Variants in HSD17B2 observed in about 807,000 individuals in gnomAD.
HSD17B2 encodes hydroxysteroid 17-beta dehydrogenase 2, also known as 17-beta-hydroxysteroid dehydrogenase type 2.
Under a neutral mutation model 26.9 loss-of-function variants are expected in HSD17B2, and 32 were observed. That is an observed-to-expected ratio of 1.19 (90% confidence interval 0.90 to 1.60). HSD17B2 has a LOEUF of 1.60. Ranked by LOEUF, HSD17B2 falls within the 40% of genes most tolerant of loss-of-function variation. The pLI is 0.00. For missense variants in HSD17B2, 613 were observed against 468.6 expected, an observed-to-expected ratio of 1.31 and a Z score of -2.85; for synonymous variants, 246 against 186.7, an observed-to-expected ratio of 1.32 and a Z score of -2.59.
chr16:82,087,975 A>G (rs1403827550), intron 3 of HSD17B2, among the ~76,000 whole-genome samples: 1 of 152,152 alleles, frequency 6.6e-6, no homozygotes, highest in African/African-American at 2.4e-5. Flanking sequence ...ACACTGTTTC[A>G]TTGGGGATTA....
Position 82,035,668 on chromosome 16 carries a change from C to G in HSD17B2, c.244C>G (p.Gln82Glu). 1 of 1,613,846 alleles carries G rather than the reference C, an allele frequency of 6.2e-7. No individual in the cohort carries two copies. The highest frequency in any genetic ancestry group is 8.5e-7 in the Non-Finnish European group (1 of 1,179,960). Residue 82 changes from glutamine to glutamate, a missense_variant, in exon 1 of 5, where the codon CAG becomes GAG. Coordinates refer to ENST00000199936, the MANE Select transcript of HSD17B2 (RefSeq NM_002153.3). ...TGGCCAAGAATTGTTACCTGTGGAT[C>G]AGAAGGCAGTCCTGGTGACAGGTAA... ...LSGQELLPVD[Q>E]KAVLVTGGDC...
At chr16:82,063,353 C>T (rs895772065) in intron 1 of HSD17B2, 1 of 152,118 alleles carries the variant, frequency 6.6e-6, no homozygotes, top group African/African-American at 2.4e-5. Context: ...TATTAACTGA[C>T]ACAGGTACCA....
intron 3 of HSD17B2, among the ~76,000 whole-genome samples, chr16:82,081,439 AT>A (rs1465041540): frequency 6.6e-6 from 1 of 151,938 alleles, no homozygotes; most frequent in Non-Finnish European, 1.5e-5. Context: ...CAGACTCTCA[AT>A]ACTTTTCTCT....
intron 3 of HSD17B2, among the ~76,000 whole-genome samples, chr16:82,082,633 T>G (rs1904414489): frequency 6.6e-6 from 1 of 152,204 alleles, no homozygotes; most frequent in Non-Finnish European, 1.5e-5. Flanking sequence ...TGTTTTCATT[T>G]TTAAAAATGA....
At chr16:82,093,259 T>C (rs1904744564) in intron 4 of HSD17B2, 1 of 152,224 alleles carries the variant, frequency 6.6e-6, no homozygotes, top group African/African-American at 2.4e-5. Context: ...CACCTCTTAC[T>C]TTTTGTAATG....
intron 3 of HSD17B2, among the ~76,000 whole-genome samples, chr16:82,081,407 T>TGC (rs1311399538): frequency 2.0e-5 from 3 of 152,140 alleles, no homozygotes; most frequent in Non-Finnish European, 4.4e-5. Flanking sequence ...CCCCAGGCTA[T>TGC]GCTCTAAGGA....
At chr16:82,049,235 C>G (rs8046220) in intron 1 of HSD17B2, among the ~76,000 whole-genome samples, 20,150 of 152,152 alleles carry the variant, frequency 0.13, 3,968 homozygotes, top group African/African-American at 0.43. Flanking sequence ...TATAGGGTAG[C>G]GGGGAGTGAC....
At chr16:82,096,071 CT>C (rs1904829968) in intron 4 of HSD17B2, 1 of 151,638 alleles carries the variant, frequency 6.6e-6, no homozygotes, top group African/African-American at 2.4e-5. Flanking sequence ...CAGGTATTGT[CT>C]TTATTTTAAA....
chr16:82,048,093 T>G (rs1913991252), intron 1 of HSD17B2, among the ~76,000 whole-genome samples: 1 of 152,144 alleles, frequency 6.6e-6, no homozygotes, highest in Admixed American at 6.5e-5. Flanking sequence ...GAGGCTAAAA[T>G]ACAAGAAACA....
chr16:82,055,413 G>C (rs1914235910), intron 1 of HSD17B2, among the ~76,000 whole-genome samples: 1 of 152,168 alleles, frequency 6.6e-6, no homozygotes. Flanking sequence ...TAAGCTTCAT[G>C]GGATGGGGAC....
intron 3 of HSD17B2, among the ~76,000 whole-genome samples, chr16:82,085,937 C>G (rs946270125): frequency 2.1e-5 from 3 of 144,618 alleles, no homozygotes; most frequent in Non-Finnish European, 4.7e-5. Flanking sequence ...AATATACACC[C>G]TAAGATGGCT....
chr16:82,035,841 G>A (rs542021143), intron 1 of HSD17B2, 152 bp downstream of exon 1: 23 of 841,376 alleles, frequency 2.7e-5, no homozygotes, highest in Non-Finnish European at 4.0e-5. Flanking sequence ...CACTGTTTTC[G>A]TTCCGTTTTT....
intron 1 of HSD17B2, among the ~76,000 whole-genome samples, chr16:82,036,392 A>C (rs540821404): frequency 6.6e-6 from 1 of 151,004 alleles, no homozygotes; most frequent in Non-Finnish European, 1.5e-5. Flanking sequence ...AGGCCAAATT[A>C]AATTTCTTTG....
At chr16:82,044,789 G>A (rs1913870531) in intron 1 of HSD17B2, among the ~76,000 whole-genome samples, 2 of 152,100 alleles carry the variant, frequency 1.3e-5, no homozygotes, top group Non-Finnish European at 2.9e-5. Flanking sequence ...AGGAAGTGGG[G>A]AAGAAGTGTT....
rs138454263 is a variant in HSD17B2 at position 82,054,473 on chromosome 16, T to G, written c.266-13697T>G. On this transcript the variant is annotated intron_variant, in intron 1 of 4. Transcript: ENST00000199936. ...AATTCTCCTGCTTCAGCCTCCCAAG[T>G]AGCTGGGACTACAGGTGTGTGCCAC... 1.4e-3 allele frequency among the ~76,000 whole-genome samples: 208 copies of G among 152,240 alleles called. 2 individuals are homozygous for G. The highest frequency in any genetic ancestry group is 4.8e-3 in the African/African-American group (201 of 41,556).
intron 1 of HSD17B2, among the ~76,000 whole-genome samples, chr16:82,038,762 A>G (rs1913687240): frequency 1.3e-5 from 2 of 152,176 alleles, no homozygotes; most frequent in Non-Finnish European, 2.9e-5. Context: ...TCCAGAGAAG[A>G]TGGGCAGGGA....
At chr16:82,062,716 T>A (rs1021852384) in intron 1 of HSD17B2, among the ~76,000 whole-genome samples, 1 of 152,246 alleles carries the variant, frequency 6.6e-6, no homozygotes, top group African/African-American at 2.4e-5. Context: ...TGGAACTTGG[T>A]AAACATGCAA....
At chr16:82,093,759 T>C (rs539549007) in intron 4 of HSD17B2, 1 of 152,340 alleles carries the variant, frequency 6.6e-6, no homozygotes, top group African/African-American at 2.4e-5. Context: ...GAATGCCTAC[T>C]TCTTAGGCAG....
In HSD17B2 at chr16:82,043,433, C is replaced by T. The variant is rs183787018; in HGVS notation, c.265+7744C>T. ...GGCGCGGTGGCTCATGCCTGTAATC[C>T]CAGCACTTTGGGAGGCCGAGGCGGG... On this transcript the variant is annotated intron_variant, in intron 1 of 4. Transcript: ENST00000199936. Among the ~76,000 whole-genome samples, 88 of 124,382 alleles carry T rather than the reference C, an allele frequency of 7.1e-4. 12 individuals are homozygous for T. Among genetic ancestry groups the T allele is most frequent in the African/African-American group, 5.4e-3 (86 of 15,840 alleles). 81.6% of individuals were successfully genotyped at this position (124,382 alleles called of 152,430 possible).
Sources: gnomAD v4.1 joint callset for allele counts (sites outside exome capture counted in the v4.1 genomes callset) on GRCh38, gnomAD v4.1.1 for gene constraint, MANE v1.5 for transcripts, NCBI Gene and HGNC (gene_info 2026-07-23, HGNC 2026-07-21) for gene names.